PPP2R5B: variants seen among roughly 807,000 people sequenced by gnomAD.
The protein encoded by PPP2R5B is serine/threonine-protein phosphatase 2A 56 kDa regulatory subunit beta isoform.
A neutral mutation model predicts 59.9 loss-of-function variants in PPP2R5B; 19 were observed. That is an observed-to-expected ratio of 0.32 (90% confidence interval 0.22 to 0.47). PPP2R5B has a LOEUF of 0.47. Among genes scored for constraint, PPP2R5B ranks in the 20% least tolerant of loss-of-function variants. The probability of loss-of-function intolerance (pLI) is 1.00; values close to 1 mark genes in which losing one functional copy is unlikely to be tolerated. For missense variants in PPP2R5B, 441 were observed against 640.2 expected (o/e 0.69, Z 3.36); for synonymous variants, 286 against 260.5 (o/e 1.10, Z -0.94).
upstream of PPP2R5B, among the ~76,000 whole-genome samples, chr11:64,920,874 C>T (rs954516978): frequency 1.3e-5 from 2 of 151,004 alleles, no homozygotes; most frequent in Non-Finnish European, 2.9e-5. Context: ...ATGATCTGCC[C>T]GCCTCGGCCT....
rs778909501 is a variant in PPP2R5B, at chr11:64,930,580, C to T, written c.882C>T (p.Phe294=). 31 of 1,613,792 alleles carry T rather than the reference C, an allele frequency of 1.9e-5. No individual in the cohort carries two copies. Among genetic ancestry groups the T allele is most frequent in the Non-Finnish European group, 2.5e-5 (30 of 1,179,768 alleles). Residue 294 remains phenylalanine (F), a synonymous_variant, in exon 8 of 14, where the codon TTC becomes TTT. Transcript: ENST00000164133. The part of the protein sequence containing the change: ...PLHSVKSLSV[F]HAQLAYCVVQ... ...ACTCTGTCAAGTCGCTGTCTGTCTT[C>T]CATGCCCAGGTGAGGCCCAGGCCTG...
rs1945151589 is a variant in PPP2R5B at position 64,925,613 on chromosome 11, T to TGC, written c.-121_-120dup. On this transcript the variant is annotated 5_prime_UTR_variant, in exon 2 of 14. Transcript: ENST00000164133. The surrounding 1 kb of genome is among the most constrained non-coding windows in gnomAD (Gnocchi z 4.6). The stretch of plus-strand genomic sequence containing the variant: ...GGGGGGGGGCCCAGGACTGTGGTTG[T>TGC]GCCCCCCCCCCAAAGGCCGGACAGG... 3 of 530,708 alleles carry TGC rather than the reference T, an allele frequency of 5.7e-6. No individual in the cohort carries two copies. The highest frequency in any genetic ancestry group is 6.5e-5 in the Admixed American group (2 of 30,856). The allele number at this position is 530,708 out of a possible 1,614,324, so 32.9% of individuals were successfully genotyped here. A position where few individuals can be genotyped will look rare whatever the true frequency, so the allele number is the denominator to read the frequency against.
At position 64,925,852 on chromosome 11, in the gene PPP2R5B, C is replaced by A; in HGVS notation, c.118C>A (p.Arg40=). The change falls in exon 2 of 14, where the codon CGG becomes AGG. Residue 40 remains arginine (R), a synonymous_variant. Transcript: ENST00000164133. The surrounding 1 kb of genome is among the most constrained non-coding windows in gnomAD (Gnocchi z 4.6). ...GFSRRSLRRA[R]PRRSHSSSQF... ...CTCCCGCCGTTCCCTCCGCAGAGCCCGGCCCCGCCGCTCCCACAGCTCCTC... is the reference window on the plus strand; with the variant it reads ...CTCCCGCCGTTCCCTCCGCAGAGCCAGGCCCCGCCGCTCCCACAGCTCCTC... 6.2e-7 allele frequency: 1 copy of A among 1,611,214 alleles called. No individual in the cohort carries two copies. The highest frequency in any genetic ancestry group is 1.1e-5 in the South Asian group (1 of 90,972).
rs1396335677 is a variant in PPP2R5B at position 64,926,875 on chromosome 11, C to T, written c.363C>T (p.Leu121=). ...VECVGSTRGV[L]IEPVYPDIIR... The stretch of plus-strand genomic sequence containing the variant: ...GTGTGGGGAGCACCCGGGGTGTCCT[C>T]ATCGAGCCCGTCTACCCAGACATCA... Residue 121 remains leucine (L), a synonymous_variant, in exon 3 of 14, where the codon CTC becomes CTT. Transcript: ENST00000164133. 7 of 1,614,038 alleles carry T rather than the reference C, an allele frequency of 4.3e-6. No individual in the cohort carries two copies. The highest frequency in any genetic ancestry group is 2.2e-5 in the East Asian group (1 of 44,894).
intron 2 of PPP2R5B, 100 bp downstream of exon 2, chr11:64,926,033 G>A (rs1945160458): frequency 1.6e-6 from 2 of 1,232,850 alleles, no homozygotes; most frequent in East Asian, 5.0e-5. Flanking sequence ...AAGAGAGAGA[G>A]TTTGGATACC....
Position 64,934,068 on chromosome 11 carries a change from A to G in PPP2R5B, c.*224A>G, listed in dbSNP as rs1664690574. Reference sequence around the variant, plus strand: ...CTCGTGGCAGGACTTGACAAGGGCAAGCTTGACCAGGAAGCTGCCATCAGG... The same window carrying G: ...CTCGTGGCAGGACTTGACAAGGGCAGGCTTGACCAGGAAGCTGCCATCAGG... On this transcript the variant is annotated 3_prime_UTR_variant, in exon 14 of 14. Coordinates refer to ENST00000164133, the MANE Select transcript of PPP2R5B (RefSeq NM_006244.4). The G allele has an allele frequency of 2.1e-6, 1 of 486,996 alleles. No individual in the cohort carries two copies. The highest frequency in any genetic ancestry group is 2.0e-5 in the African/African-American group (1 of 50,206). 30.2% of individuals were successfully genotyped at this position (486,996 alleles called of 1,614,324 possible).
upstream of PPP2R5B, among the ~76,000 whole-genome samples, chr11:64,922,192 A>T (rs11823191): frequency 0.93 from 140,530 of 151,062 alleles, 66,244 homozygotes; most frequent in East Asian, 1. Flanking sequence ...AAAAATAAAA[A>T]AATAAAATAA....
At chr11:64,928,025 C>G (rs753767825) in intron 4 of PPP2R5B, 41 bp from the exon 5 acceptor site, 1 of 1,593,496 alleles carries the variant, frequency 6.3e-7, no homozygotes, top group Non-Finnish European at 8.6e-7. Context: ...GTGGGTGAGG[C>G]TGTTACTGAA....
intron 6 of PPP2R5B, 105 bp from the exon 7 acceptor site, chr11:64,930,217 G>A (rs1945213492): frequency 7.7e-7 from 1 of 1,296,704 alleles, no homozygotes; most frequent in African/African-American, 1.5e-5. Context: ...TTGGGGGAGA[G>A]TTGGATGAGC....
chr11:64,933,253 G>GT lies in PPP2R5B; in HGVS notation c.1346+9dup. On this transcript the variant is annotated splice_region_variant and intron_variant, in intron 13 of 13. Coordinates refer to ENST00000164133, the MANE Select transcript of PPP2R5B (RefSeq NM_006244.4). ...ACAAGCTGGAAAAGCAGCAGTGAGT[G>GT]TTGGGGGCTGGGCGTGGGGGAAGGG... The GT allele has an allele frequency of 6.3e-7, 1 of 1,594,788 alleles. No individual in the cohort carries two copies. The highest frequency in any genetic ancestry group is 1.1e-5 in the South Asian group (1 of 90,666).
chr11:64,922,182 A>T (rs1184869970), upstream of PPP2R5B, among the ~76,000 whole-genome samples: 3 of 151,414 alleles, frequency 2.0e-5, no homozygotes, highest in African/African-American at 4.9e-5. Flanking sequence ...ACTGCAAAAA[A>T]AAAATAAAAA....
In PPP2R5B at chr11:64,931,573, G is replaced by A; in HGVS notation, c.960G>A (p.Leu320=). 4.3e-6 allele frequency: 7 copies of A among 1,613,982 alleles called. No homozygotes were observed. The highest frequency in any genetic ancestry group is 5.9e-6 in the Non-Finnish European group (7 of 1,179,990). ...ATLTEHVIRG[L]LKYWPKTCTQ... is the part of the protein sequence containing the mutation. The stretch of plus-strand genomic sequence containing the variant: ...ATCTCCCACAGGTGATCCGGGGGCT[G>A]CTCAAATACTGGCCAAAAACCTGCA... The change falls in exon 10 of 14, where the codon CTG becomes CTA. Residue 320 remains leucine, a synonymous_variant. Transcript: ENST00000164133. This position sits in a 1 kb window ranked among gnomAD's most constrained non-coding sequence, Gnocchi z 5.0.
chr11:64,932,724 G>A, intron 11 of PPP2R5B, 41 bp from the exon 12 acceptor site: 1 of 1,604,602 alleles, frequency 6.2e-7, no homozygotes, highest in South Asian at 1.1e-5. Flanking sequence ...ACAGAGAGAA[G>A]CCACTGCCAG....
At chr11:64,922,994 C>CT (rs1192109998), upstream of PPP2R5B, 1 of 152,138 alleles carries the variant, frequency 6.6e-6, no homozygotes, top group African/African-American at 2.4e-5. Flanking sequence ...GACAGGGTCT[C>CT]TGTCACCCAG....
rs770343997 is a variant in PPP2R5B at position 64,931,469 on chromosome 11, G to A, written c.925G>A (p.Asp309Asn). 2 of 1,614,164 alleles carry A rather than the reference G, an allele frequency of 1.2e-6. No individual in the cohort carries two copies. Among genetic ancestry groups the A allele is most frequent in the Non-Finnish European group, 1.7e-6 (2 of 1,180,020 alleles). ...CTGTGTGGTGCAGTTCCTGGAGAAGGATGCCACTCTGACAGAGCACGTGAG... is the reference window on the plus strand; with the variant it reads ...CTGTGTGGTGCAGTTCCTGGAGAAGAATGCCACTCTGACAGAGCACGTGAG... Reference protein sequence around the residue: ...AYCVVQFLEKDATLTEHVIRG... With the variant: ...AYCVVQFLEKNATLTEHVIRG... Residue 309 changes from aspartate (D) to asparagine (N), a missense_variant, in exon 9 of 14, where the codon GAT becomes AAT. Transcript: ENST00000164133. This position sits in a 1 kb window ranked among gnomAD's most constrained non-coding sequence, Gnocchi z 5.0.
chr11:64,929,778 C>T (rs764518387), intron 6 of PPP2R5B, among the ~76,000 whole-genome samples: 13 of 152,128 alleles, frequency 8.5e-5, no homozygotes, highest in Non-Finnish European at 1.6e-4. Flanking sequence ...GGACCATTAT[C>T]GAGGTGACAT....
Position 64,927,912 on chromosome 11 carries a change from G to C in PPP2R5B, c.498+9G>C. The C allele has an allele frequency of 6.3e-7, 1 of 1,590,210 alleles. No homozygotes were observed. The highest frequency in any genetic ancestry group is 8.6e-7 in the Non-Finnish European group (1 of 1,158,304). On this transcript the variant is annotated intron_variant, in intron 4 of 13. Transcript: ENST00000164133. Reference sequence around the variant, plus strand: ...CGTGGCCACACCTGCAGGTCTGAAGGGTTGGGGAAGACAGAGATCCAAGTT... The same window carrying C: ...CGTGGCCACACCTGCAGGTCTGAAGCGTTGGGGAAGACAGAGATCCAAGTT...
intron 6 of PPP2R5B, among the ~76,000 whole-genome samples, chr11:64,928,771 C>A (rs571194251): frequency 6.6e-6 from 1 of 152,312 alleles, no homozygotes; most frequent in East Asian, 1.9e-4. Flanking sequence ...GTAGTCCCAG[C>A]TACTCGGGAG....
chr11:64,919,059 G>A (rs1014806870), intron 1 of PPP2R5B, among the ~76,000 whole-genome samples: 1 of 152,192 alleles, frequency 6.6e-6, no homozygotes, highest in Non-Finnish European at 1.5e-5. Flanking sequence ...AGTGCTTATG[G>A]GCCAGGCACG....
Sources: gnomAD v4.1 joint callset for allele counts (sites outside exome capture counted in the v4.1 genomes callset) on GRCh38, gnomAD v4.1.1 for gene constraint, Gnocchi (gnomAD v3.1) non-coding constraint, MANE v1.5 for transcripts, NCBI Gene and HGNC (gene_info 2026-07-23, HGNC 2026-07-21) for gene names.